Variants in FGGY observed in about 807,000 individuals in gnomAD.
FGGY encodes the protein FGGY carbohydrate kinase domain-containing protein.
Under a neutral mutation model 71.3 loss-of-function variants are expected in FGGY, and 72 were observed. The observed-to-expected ratio is 1.01, with a 90% CI of 0.84 to 1.23. FGGY has a LOEUF of 1.23. FGGY is among the 50% of genes most tolerant of loss of function. FGGY has a pLI of 0.00. For synonymous variants in FGGY, 251 were observed against 250.3 expected (o/e 1.00, Z -0.02); for missense variants, 668 against 682.3 (o/e 0.98, Z 0.23).
At chr1:59,673,376 G>A (rs2097400231) in intron 13 of FGGY, among the ~76,000 whole-genome samples, 1 of 152,026 alleles carries the variant, frequency 6.6e-6, no homozygotes, top group Non-Finnish European at 1.5e-5. Flanking sequence ...CATGGGTAAG[G>A]GCCCCGAGGC....
intron 7 of FGGY, among the ~76,000 whole-genome samples, chr1:59,539,699 A>C (rs1253239847): frequency 6.6e-6 from 1 of 152,214 alleles, no homozygotes; most frequent in Non-Finnish European, 1.5e-5. Flanking sequence ...CAATTTTCCT[A>C]AATAGGACAT....
chr1:59,507,144 A>G (rs1180518277), intron 6 of FGGY, among the ~76,000 whole-genome samples: 2 of 152,238 alleles, frequency 1.3e-5, no homozygotes, highest in African/African-American at 4.8e-5. Context: ...AGTGAGGTAC[A>G]GAAAAATGGA....
chr1:59,701,413 T>C (rs2097708626), intron 14 of FGGY, among the ~76,000 whole-genome samples: 1 of 152,206 alleles, frequency 6.6e-6, no homozygotes, highest in African/African-American at 2.4e-5. Flanking sequence ...TTCAGTCATT[T>C]TTCTTTCTTG....
intron 14 of FGGY, among the ~76,000 whole-genome samples, chr1:59,750,452 G>A (rs948161896): frequency 3.3e-5 from 5 of 152,172 alleles, no homozygotes; most frequent in Non-Finnish European, 7.3e-5. Context: ...TTAATGTACA[G>A]CTTGATGAAT....
chr1:59,656,799 C>G lies in FGGY; in HGVS notation c.1222-3420C>G, dbSNP rs184917153. ...TAATTTTGTCTCCCTTCAAGGATAG[C>G]TATGTTTTATTTATCAGAAAAAAAG... On this transcript the variant is annotated intron_variant, in intron 11 of 15. Transcript: ENST00000303721. Among the ~76,000 whole-genome samples the G allele has an allele frequency of 2.2e-3, 337 of 150,998 alleles. 1 individual carries two copies. Among genetic ancestry groups the G allele is most frequent in the Non-Finnish European group, 3.4e-3 (234 of 67,994 alleles).
intron 6 of FGGY, among the ~76,000 whole-genome samples, chr1:59,461,255 C>G (rs558495861): frequency 6.6e-6 from 1 of 152,148 alleles, no homozygotes; most frequent in African/African-American, 2.4e-5. Context: ...AACCATGGCA[C>G]AAGAACTACG....
intron 14 of FGGY, among the ~76,000 whole-genome samples, chr1:59,682,097 G>A (rs2097506234): frequency 6.6e-6 from 1 of 152,104 alleles, no homozygotes; most frequent in South Asian, 2.1e-4. Flanking sequence ...ATGAAAAATT[G>A]TATATAAAGA....
intron 4 of FGGY, among the ~76,000 whole-genome samples, chr1:59,376,558 C>T (rs570055330): frequency 1.3e-5 from 2 of 152,284 alleles, no homozygotes; most frequent in African/African-American, 4.8e-5. Context: ...TTGTGTTGCT[C>T]TAAGGAGATA....
At chr1:59,538,907 A>T (rs2095389796) in intron 7 of FGGY, among the ~76,000 whole-genome samples, 1 of 151,878 alleles carries the variant, frequency 6.6e-6, no homozygotes, top group Admixed American at 6.6e-5. Flanking sequence ...ATGAGGAGTT[A>T]GTACGTGCAG....
intron 4 of FGGY, among the ~76,000 whole-genome samples, chr1:59,369,180 G>A (rs796256262): frequency 2.0e-5 from 3 of 152,174 alleles, no homozygotes; most frequent in Admixed American, 6.5e-5. Flanking sequence ...GGTGACAGAC[G>A]GCACCTGGAA....
intron 7 of FGGY, among the ~76,000 whole-genome samples, chr1:59,531,838 G>T (rs1040235203): frequency 2.6e-5 from 4 of 152,162 alleles, no homozygotes; most frequent in African/African-American, 9.7e-5. Flanking sequence ...CAAAGCCTGG[G>T]TTTGAATTAA....
intron 6 of FGGY, among the ~76,000 whole-genome samples, chr1:59,484,983 A>T (rs867155730): frequency 1.1e-4 from 16 of 152,216 alleles, no homozygotes; most frequent in African/African-American, 3.4e-4. Flanking sequence ...AATAATTTAG[A>T]GTGAATCACA....
At chr1:59,709,567 C>T (rs1230131038) in intron 14 of FGGY, among the ~76,000 whole-genome samples, 1 of 151,912 alleles carries the variant, frequency 6.6e-6, no homozygotes, top group Non-Finnish European at 1.5e-5. Flanking sequence ...CCAGTCCAGG[C>T]CAAGAATGAA....
chr1:59,653,568 C>T (rs1411554149), intron 11 of FGGY, among the ~76,000 whole-genome samples: 3 of 152,214 alleles, frequency 2.0e-5, no homozygotes, highest in African/African-American at 7.2e-5. Context: ...CTCCCTGACC[C>T]CTTGCGCTTC....
intron 2 of FGGY, among the ~76,000 whole-genome samples, chr1:59,326,248 C>T (rs2047409777): frequency 6.6e-6 from 1 of 152,128 alleles, no homozygotes; most frequent in Non-Finnish European, 1.5e-5. Flanking sequence ...AAGTCTGCTG[C>T]TTTTAAAGAT....
intron 12 of FGGY, among the ~76,000 whole-genome samples, chr1:59,663,108 C>T (rs573754998): frequency 4.6e-5 from 7 of 152,308 alleles, no homozygotes; most frequent in South Asian, 2.1e-4. Context: ...TCGTCAGACA[C>T]GACTGTGTGC....
intron 6 of FGGY, among the ~76,000 whole-genome samples, chr1:59,476,768 C>T (rs2093283269): frequency 6.6e-6 from 1 of 152,186 alleles, no homozygotes; most frequent in African/African-American, 2.4e-5. Context: ...TCTGACATTC[C>T]CTTCCTCAGT....
chr1:59,459,884 G>A (rs1201586430), intron 6 of FGGY, among the ~76,000 whole-genome samples: 1 of 152,196 alleles, frequency 6.6e-6, no homozygotes, highest in Non-Finnish European at 1.5e-5. Context: ...ATTATAGAGT[G>A]ATTATCTGCA....
chr1:59,341,431 A>G (rs140865005), intron 3 of FGGY, among the ~76,000 whole-genome samples: 166 of 152,332 alleles, frequency 1.1e-3, no homozygotes, highest in Middle Eastern at 3.4e-3. Context: ...ATAAATAATC[A>G]TAATCACTAT....
Sources: allele counts gnomAD v4.1 joint callset (sites outside exome capture counted in the v4.1 genomes callset), GRCh38; gene constraint gnomAD v4.1.1; transcripts MANE v1.5; gene names NCBI Gene and HGNC (gene_info 2026-07-23, HGNC 2026-07-21).